The following AGBL4 variants were observed in gnomAD, a reference collection of about 807,000 sequenced individuals.
AGBL4 encodes cytosolic carboxypeptidase 6.
AGBL4 carries 58 observed loss-of-function variants against 66.4 expected under a neutral mutation model. That is an observed-to-expected ratio of 0.87 (90% CI 0.71 to 1.09). AGBL4 has a LOEUF of 1.09. Ranked by LOEUF, AGBL4 falls within the 50% of genes least tolerant of loss-of-function variation. AGBL4 has a pLI of 0.00. For missense variants in AGBL4, 579 were observed against 631.0 expected (o/e 0.92, Z 0.88); for synonymous variants, 234 against 222.9 (o/e 1.05, Z -0.44).
chr1:49,399,665 GTCT>G (rs1310558905), intron 3 of AGBL4, among the ~76,000 whole-genome samples: 6 of 151,966 alleles, frequency 3.9e-5, no homozygotes, highest in African/African-American at 1.4e-4. Flanking sequence ...GTCTATTCAG[GTCT>G]TCTGTCCATT....
At chr1:49,887,152 T>TATATAC (rs68005185) in intron 1 of AGBL4, among the ~76,000 whole-genome samples, 1,652 of 145,968 alleles carry the variant, frequency 0.011, 19 homozygotes, top group Middle Eastern at 0.026. Flanking sequence ...TATATATATA[T>TATATAC]ACATTGTGTG....
chr1:49,151,027 G>A (rs1005278936), intron 4 of AGBL4, among the ~76,000 whole-genome samples: 11 of 152,054 alleles, frequency 7.2e-5, no homozygotes, highest in Admixed American at 6.6e-4. Context: ...CCAGCACTTT[G>A]GGAGGCCGAG....
intron 5 of AGBL4, among the ~76,000 whole-genome samples, chr1:48,911,230 C>T (rs973818148): frequency 3.3e-5 from 5 of 152,174 alleles, no homozygotes; most frequent in Non-Finnish European, 5.9e-5. Flanking sequence ...GGACATACTT[C>T]CTGCTTATGA....
rs190308292 is a variant in AGBL4, at chr1:49,904,189, T to C, written c.35-52671A>G. 2.8e-3 allele frequency among the ~76,000 whole-genome samples: 423 copies of C among 152,240 alleles called. 3 individuals are homozygous for C. Among genetic ancestry groups the C allele is most frequent in the South Asian group, 1.0e-2 (48 of 4,822 alleles). On this transcript the variant is annotated intron_variant, in intron 1 of 13. Coordinates refer to ENST00000371839, the MANE Select transcript of AGBL4 (RefSeq NM_032785.4). Reference sequence around the variant, plus strand: ...TCACCTTAGGGAAATATAAATTAAGTTTATTCCATAAACTTATCCCTAAAA... The same window carrying C: ...TCACCTTAGGGAAATATAAATTAAGCTTATTCCATAAACTTATCCCTAAAA...
chr1:49,213,917 G>T (rs1229124547), intron 4 of AGBL4, among the ~76,000 whole-genome samples: 2 of 152,078 alleles, frequency 1.3e-5, no homozygotes, highest in Non-Finnish European at 2.9e-5. Context: ...ATAGCAGACA[G>T]TTCCTGTGGC....
intron 3 of AGBL4, among the ~76,000 whole-genome samples, chr1:49,554,271 A>G (rs1209781537): frequency 1.3e-5 from 2 of 152,190 alleles, no homozygotes; most frequent in African/African-American, 4.8e-5. Flanking sequence ...AAGTTCCGAT[A>G]AATAAGATTT....
intron 1 of AGBL4, among the ~76,000 whole-genome samples, chr1:49,990,336 C>G (rs1335002898): frequency 1.3e-5 from 2 of 151,980 alleles, no homozygotes; most frequent in African/African-American, 4.8e-5. Flanking sequence ...GGTGGTTTCC[C>G]CCATGCTGTT....
At chr1:49,982,701 A>G (rs939680281) in intron 1 of AGBL4, among the ~76,000 whole-genome samples, 4 of 152,114 alleles carry the variant, frequency 2.6e-5, no homozygotes, top group Admixed American at 2.0e-4. Flanking sequence ...GAACCAATCA[A>G]CATGCACTTC....
chr1:49,563,745 A>T (rs1644116421), intron 3 of AGBL4, among the ~76,000 whole-genome samples: 1 of 151,712 alleles, frequency 6.6e-6, no homozygotes, highest in African/African-American at 2.4e-5. Context: ...ATCAATGTTC[A>T]TTAAGGATAT....
At chr1:48,702,488 C>T (rs757461889) in intron 6 of AGBL4, among the ~76,000 whole-genome samples, 8 of 152,038 alleles carry the variant, frequency 5.3e-5, no homozygotes, top group Non-Finnish European at 8.8e-5. Context: ...GACAAGGTTC[C>T]ACCATGTTGG....
intron 4 of AGBL4, among the ~76,000 whole-genome samples, chr1:49,116,693 G>A (rs1645531396): frequency 6.6e-6 from 1 of 152,184 alleles, no homozygotes; most frequent in Non-Finnish European, 1.5e-5. Context: ...GTGTGCATGT[G>A]TCTTTATAGT....
intron 3 of AGBL4, among the ~76,000 whole-genome samples, chr1:49,479,078 G>C (rs1646902069): frequency 6.6e-6 from 1 of 151,538 alleles, no homozygotes; most frequent in African/African-American, 2.4e-5. Context: ...GGAAAAAAGA[G>C]AAGACCTCAA....
chr1:48,801,938 T>C (rs1287418973), intron 6 of AGBL4, among the ~76,000 whole-genome samples: 1 of 151,398 alleles, frequency 6.6e-6, no homozygotes, highest in Non-Finnish European at 1.5e-5. Flanking sequence ...CTTCAAAACA[T>C]CAAACTAAAG....
At chr1:49,326,324 T>C (rs1264770173) in intron 3 of AGBL4, among the ~76,000 whole-genome samples, 1 of 152,218 alleles carries the variant, frequency 6.6e-6, no homozygotes, top group African/African-American at 2.4e-5. Flanking sequence ...CTACCATTTC[T>C]ATTGAAAGGT....
At chr1:49,955,822 A>G (rs1433107858) in intron 1 of AGBL4, among the ~76,000 whole-genome samples, 1 of 151,784 alleles carries the variant, frequency 6.6e-6, no homozygotes, top group Non-Finnish European at 1.5e-5. Flanking sequence ...GTACAATGCA[A>G]TCACTCTGTG....
chr1:48,990,610 A>G (rs976313112), intron 5 of AGBL4, among the ~76,000 whole-genome samples: 5 of 152,036 alleles, frequency 3.3e-5, no homozygotes, highest in African/African-American at 1.2e-4. Context: ...TGCATATGAT[A>G]TGCAGTTTTC....
intron 5 of AGBL4, among the ~76,000 whole-genome samples, chr1:48,921,803 C>A (rs1654106136): frequency 6.6e-6 from 1 of 152,194 alleles, no homozygotes; most frequent in Admixed American, 6.5e-5. Context: ...ATCCGTCTGG[C>A]TTCACAGCCA....
At chr1:49,938,621 A>G (rs1238773641) in intron 1 of AGBL4, among the ~76,000 whole-genome samples, 4 of 152,122 alleles carry the variant, frequency 2.6e-5, no homozygotes, top group South Asian at 2.1e-4. Flanking sequence ...ACCGAATCCA[A>G]CAGCACATCA....
intron 6 of AGBL4, among the ~76,000 whole-genome samples, chr1:48,756,892 A>G (rs1215191353): frequency 6.6e-6 from 1 of 152,238 alleles, no homozygotes; most frequent in Non-Finnish European, 1.5e-5. Context: ...ATGGTGACTC[A>G]GATCAGGGAA....
Sources: allele counts gnomAD v4.1 joint callset (sites outside exome capture counted in the v4.1 genomes callset), GRCh38; gene constraint gnomAD v4.1.1; transcripts MANE v1.5; gene names NCBI Gene and HGNC (gene_info 2026-07-23, HGNC 2026-07-21).